ARRDC3: variants seen among roughly 807,000 people sequenced by gnomAD.
ARRDC3 encodes arrestin domain containing 3.
A neutral mutation model predicts 47.2 loss-of-function variants in ARRDC3; 10 were observed. The observed-to-expected ratio is 0.21, with a 90% CI of 0.13 to 0.36. ARRDC3 has a LOEUF of 0.36. Ranked by LOEUF, ARRDC3 falls within the 10% of genes least tolerant of loss-of-function variation. The pLI is 1.00. For missense variants in ARRDC3, 381 were observed against 503.6 expected (o/e 0.76, Z 2.33); for synonymous variants, 156 against 178.3 (o/e 0.87, Z 1.00).
chr5:91,377,964 A>G (rs888543421), intron 2 of ARRDC3, among the ~76,000 whole-genome samples: 1 of 152,104 alleles, frequency 6.6e-6, no homozygotes, highest in Admixed American at 6.5e-5. Flanking sequence ...TCTCCAGAAT[A>G]ATCACCACAA....
chr5:91,382,687 C>T, intron 1 of ARRDC3, 126 bp downstream of exon 1: 1 of 1,076,806 alleles, frequency 9.3e-7, no homozygotes, highest in East Asian at 2.4e-5. Context: ...CCAAACCTTC[C>T]AACTTTGCTA....
chr5:91,371,101 A>T lies in ARRDC3; in HGVS notation c.*299T>A, dbSNP rs541583147. 6.1e-6 allele frequency: 2 copies of T among 325,524 alleles called. No homozygotes were observed. Among genetic ancestry groups the T allele is most frequent in the South Asian group, 1.1e-4 (1 of 8,710 alleles). The allele number at this position is 325,524 out of a possible 1,614,324, so 20.2% of individuals were successfully genotyped here. ...GCAAATTTTCAAATCAAAAGAAGGA[A>T]ATCATCCCTCTTTACAACGTGATGT... On this transcript the variant is annotated 3_prime_UTR_variant, in exon 8 of 8. Transcript: ENST00000265138.
chr5:91,372,067 C>T (rs1378564946), intron 7 of ARRDC3, among the ~76,000 whole-genome samples: 3 of 152,162 alleles, frequency 2.0e-5, no homozygotes, highest in African/African-American at 7.2e-5. Flanking sequence ...CCAAAACACT[C>T]AAGAGGTTTC....
In ARRDC3 at chr5:91,374,294, A is replaced by G. The variant is rs1799248911; in HGVS notation, c.871-18T>C. 1 of 1,595,282 alleles carries G rather than the reference A, an allele frequency of 6.3e-7. No individual in the cohort carries two copies. Among genetic ancestry groups the G allele is most frequent in the Non-Finnish European group, 8.6e-7 (1 of 1,169,120 alleles). On this transcript the variant is annotated intron_variant, in intron 5 of 7. Coordinates refer to ENST00000265138, the MANE Select transcript of ARRDC3 (RefSeq NM_020801.4). ...ACATATACCTAAACATTGCAAAGAAATATTAAGTTTAGAATGCCAAGTATG... is the reference window on the plus strand; with the variant it reads ...ACATATACCTAAACATTGCAAAGAAGTATTAAGTTTAGAATGCCAAGTATG...
At position 91,375,125 on chromosome 5, in the gene ARRDC3, C is replaced by T. The variant is rs1447625152; in HGVS notation, c.667G>A (p.Val223Met). ...EIENCSSRMV[V>M]PKAAIYQTQA... Reference sequence around the variant, plus strand: ...GTTTGGTAAATGGCTGCCTTTGGCACCACCATTCGGGAAGAGCAGTTCTCA... The same window carrying T: ...GTTTGGTAAATGGCTGCCTTTGGCATCACCATTCGGGAAGAGCAGTTCTCA... The change falls in exon 5 of 8, where the codon GTG (valine) becomes ATG (methionine). Residue 223 changes from valine (V) to methionine (M), a missense_variant. Transcript: ENST00000265138. 3 of 1,614,000 alleles carry T rather than the reference C, an allele frequency of 1.9e-6. No individual in the cohort carries two copies. The highest frequency in any genetic ancestry group is 1.1e-5 in the South Asian group (1 of 91,078).
intron 7 of ARRDC3, among the ~76,000 whole-genome samples, chr5:91,372,202 G>A (rs1423317770): frequency 6.6e-6 from 1 of 152,170 alleles, no homozygotes; most frequent in Non-Finnish European, 1.5e-5. Flanking sequence ...ATTTTTTACT[G>A]AAAGAGCTTT....
At chr5:91,381,234 TTA>T (rs1673032105) in intron 1 of ARRDC3, among the ~76,000 whole-genome samples, 1 of 152,174 alleles carries the variant, frequency 6.6e-6, no homozygotes, top group South Asian at 2.1e-4. Flanking sequence ...TGCAGGGCAT[TTA>T]GTTTTCTTTA....
intron 7 of ARRDC3, among the ~76,000 whole-genome samples, chr5:91,372,989 G>A (rs1470004068): frequency 6.6e-6 from 1 of 152,102 alleles, no homozygotes; most frequent in East Asian, 1.9e-4. Context: ...TGCCTTTTGA[G>A]GACTACTCAT....
chr5:91,371,591 T>C (rs1799179611), intron 7 of ARRDC3, 135 bp from the exon 8 acceptor site: 1 of 661,190 alleles, frequency 1.5e-6, no homozygotes, highest in East Asian at 2.8e-5. Flanking sequence ...GCATATTATA[T>C]CCAATTATTC....
chr5:91,383,136 T>C lies in ARRDC3; in HGVS notation c.-44A>G, dbSNP rs762772082. On this transcript the variant is annotated 5_prime_UTR_variant, in exon 1 of 8. An upstream open reading frame in the 5' UTR loses its in-frame stop. Coordinates refer to ENST00000265138, the MANE Select transcript of ARRDC3 (RefSeq NM_020801.4). ...AAAAATATAATGTAAGACAAAAAAG[T>C]CAAGATCGCATATAAAATGTGATCT... 16 of 1,515,042 alleles carry C rather than the reference T, an allele frequency of 1.1e-5. No individual in the cohort carries two copies. Among genetic ancestry groups the C allele is most frequent in the Non-Finnish European group, 1.4e-5 (16 of 1,127,202 alleles). The allele number at this position is 1,515,042 out of a possible 1,614,324, so 93.8% of individuals were successfully genotyped here.
At chr5:91,381,013 T>G (rs1217243150) in intron 1 of ARRDC3, 1 of 152,182 alleles carries the variant, frequency 6.6e-6, no homozygotes, top group East Asian at 1.9e-4. Flanking sequence ...CGGCGCGAGC[T>G]CACTCTCCCC....
chr5:91,370,681 C>T lies in ARRDC3; in HGVS notation c.*719G>A, dbSNP rs1799149272. On this transcript the variant is annotated 3_prime_UTR_variant, in exon 8 of 8. Coordinates refer to ENST00000265138, the MANE Select transcript of ARRDC3 (RefSeq NM_020801.4). ...TACAATCTTGACAGTCTCTTATTAG[C>T]TTCCTCCTCTTATCTCTTTTTTTCC... is the stretch of plus-strand genomic sequence containing the variant. 1 of 152,546 alleles carries T rather than the reference C, an allele frequency of 6.6e-6. No homozygotes were observed. Among genetic ancestry groups the T allele is most frequent in the African/African-American group, 2.4e-5 (1 of 41,418 alleles). The allele number at this position is 152,546 out of a possible 1,614,324, so 9.4% of individuals were successfully genotyped here.
rs555290337 is a variant in ARRDC3 at position 91,368,950 on chromosome 5, T to A, written c.*2450A>T. On this transcript the variant is annotated 3_prime_UTR_variant, in exon 8 of 8. Coordinates refer to ENST00000265138, the MANE Select transcript of ARRDC3 (RefSeq NM_020801.4). ...GTTTTGCTAACATTTTGGATTTTAC[T>A]TTTCCTAATTGAAAAATCAGGAATC... is the stretch of plus-strand genomic sequence containing the variant. The A allele has an allele frequency of 6.5e-6, 1 of 152,744 alleles. No individual in the cohort carries two copies. The highest frequency in any genetic ancestry group is 1.9e-4 in the East Asian group (1 of 5,186). 9.5% of individuals were successfully genotyped at this position (152,744 alleles called of 1,614,324 possible).
intron 6 of ARRDC3, 41 bp downstream of exon 6, chr5:91,374,073 A>G (rs1354406163): frequency 1.3e-6 from 2 of 1,579,488 alleles, no homozygotes; most frequent in Non-Finnish European, 1.7e-6. Context: ...TCTTGATAAT[A>G]GTAGTAAGAG....
Position 91,369,210 on chromosome 5 carries a change from A to G in ARRDC3, c.*2190T>C, listed in dbSNP as rs747211525. On this transcript the variant is annotated 3_prime_UTR_variant, in exon 8 of 8. Coordinates refer to ENST00000265138, the MANE Select transcript of ARRDC3 (RefSeq NM_020801.4). Reference sequence around the variant, plus strand: ...TTTGTAAGAGTATATAATGACAAGTATTCCAATGCTATGCATATCAACAAT... The same window carrying G: ...TTTGTAAGAGTATATAATGACAAGTGTTCCAATGCTATGCATATCAACAAT... 15 of 152,570 alleles carry G rather than the reference A, an allele frequency of 9.8e-5. No homozygotes were observed. The highest frequency in any genetic ancestry group is 5.9e-5 in the Non-Finnish European group (4 of 68,030). 9.5% of individuals were successfully genotyped at this position (152,570 alleles called of 1,614,324 possible). A position where few individuals can be genotyped will look rare whatever the true frequency, so the allele number is the denominator to read the frequency against.
chr5:91,375,730 C>CT (rs1022708959), intron 3 of ARRDC3, 117 bp from the exon 4 acceptor site: 303 of 607,016 alleles, frequency 5.0e-4, no homozygotes, highest in South Asian at 1.1e-3. Context: ...ACTGGTTTTG[C>CT]TTTTTTTTTG....
rs997410236 is a variant in ARRDC3 at position 91,374,184 on chromosome 5, G to A, written c.963C>T (p.Thr321=). 5.0e-6 allele frequency: 8 copies of A among 1,613,876 alleles called. No homozygotes were observed. The highest frequency in any genetic ancestry group is 6.8e-6 in the Non-Finnish European group (8 of 1,179,944). Residue 321 remains threonine (T), a synonymous_variant, in exon 6 of 8, where the codon ACC becomes ACT. Coordinates refer to ENST00000265138, the MANE Select transcript of ARRDC3 (RefSeq NM_020801.4). ...TIPLHPFGSR[T]SSVSSQCSMN... ...TGCTACACTGACTGCTTACACTTGA[G>A]GTTCTGCTACCAAATGGATGTAGAG...
In ARRDC3 at chr5:91,376,728, G is replaced by C; in HGVS notation, c.403C>G (p.Arg135Gly). Residue 135 changes from arginine to glycine, a missense_variant, in exon 3 of 8, where the codon CGC (arginine) becomes GGC (glycine). Coordinates refer to ENST00000265138, the MANE Select transcript of ARRDC3 (RefSeq NM_020801.4). Reference protein sequence around the residue: ...TSFEGRHGSVRYWVKAELHRP... With the variant: ...TSFEGRHGSVGYWVKAELHRP... ...TGCAATTCGGCTTTCACCCAATAGCGCACACTGCCATGTCGGCCTTCGAAT... is the reference window on the plus strand; with the variant it reads ...TGCAATTCGGCTTTCACCCAATAGCCCACACTGCCATGTCGGCCTTCGAAT... 6.2e-7 allele frequency: 1 copy of C among 1,613,806 alleles called. No individual in the cohort carries two copies. Among genetic ancestry groups the C allele is most frequent in the Non-Finnish European group, 8.5e-7 (1 of 1,179,864 alleles).
rs1582371216 is a variant in ARRDC3 at position 91,375,047 on chromosome 5, T to C, written c.745A>G (p.Asn249Asp). 4 of 1,614,226 alleles carry C rather than the reference T, an allele frequency of 2.5e-6. No individual in the cohort carries two copies. The highest frequency in any genetic ancestry group is 3.4e-6 in the Non-Finnish European group (4 of 1,180,034). The change falls in exon 5 of 8, where the codon AAC becomes GAC. Residue 249 changes from asparagine (N) to aspartate (D), a missense_variant. Transcript: ENST00000265138. ...KMKEVKQLVA[N>D]LRGESLSSGK... ...GATGATAAGGATTCCCCACGCAAGT[T>C]AGCCACAAGCTGTTTTACTTCCTTC... is the stretch of plus-strand genomic sequence containing the variant.
Sources: gnomAD v4.1 joint callset for allele counts (sites outside exome capture counted in the v4.1 genomes callset) on GRCh38, gnomAD v4.1.1 for gene constraint, MANE v1.5 for transcripts, NCBI Gene and HGNC (gene_info 2026-07-23, HGNC 2026-07-21) for gene names.